The following TXNDC11 variants were observed in gnomAD, a reference collection of about 807,000 sequenced individuals.
TXNDC11 encodes thioredoxin domain-containing protein 11.
A neutral mutation model predicts 78.0 loss-of-function variants in TXNDC11; 68 were observed. The ratio of observed to expected loss-of-function variants is 0.87; its 90% CI spans 0.72 to 1.07. The LOEUF (loss-of-function observed/expected upper bound fraction) is 1.07. Ranked by LOEUF, TXNDC11 falls within the 50% of genes least tolerant of loss-of-function variation. The pLI is 0.00. For missense variants in TXNDC11, 1,389 were observed against 1,221.8 expected (o/e 1.14, Z -2.04); for synonymous variants, 571 against 495.2 (o/e 1.15, Z -2.03).
chr16:11,709,622 A>G (rs1376975200), intron 5 of TXNDC11, among the ~76,000 whole-genome samples: 1 of 151,180 alleles, frequency 6.6e-6, no homozygotes, highest in African/African-American at 2.4e-5. Flanking sequence ...TTTTTAGTAG[A>G]GACGGGGTTT....
In TXNDC11 at chr16:11,691,135, T is replaced by C. The variant is rs1021580909; in HGVS notation, c.1900+155A>G. 2.8e-5 allele frequency: 18 copies of C among 641,004 alleles called. No individual in the cohort carries two copies. In the African/African-American group the frequency reaches 3.1e-4, roughly 11 times the overall value. The allele number at this position is 641,004 out of a possible 1,614,324, so 39.7% of individuals were successfully genotyped here. A position where few individuals can be genotyped will look rare whatever the true frequency, so the allele number is the denominator to read the frequency against. On this transcript the variant is annotated intron_variant, in intron 8 of 11. Transcript: ENST00000283033. ...ATTTAATAGACAAAATTAGCTTCTT[T>C]GAAAATTATGACTGATGGTGGTCTA...
chr16:11,728,623 C>T (rs1274257876), intron 4 of TXNDC11, among the ~76,000 whole-genome samples: 1 of 152,144 alleles, frequency 6.6e-6, no homozygotes, highest in Admixed American at 6.5e-5. Context: ...AACATGAACT[C>T]CACACCAATA....
intron 7 of TXNDC11, among the ~76,000 whole-genome samples, chr16:11,696,952 CG>C (rs1230930583): frequency 6.6e-6 from 1 of 152,112 alleles, no homozygotes; most frequent in African/African-American, 2.4e-5. Flanking sequence ...CCACCTTGAC[CG>C]AAAACCTTCC....
intron 4 of TXNDC11, among the ~76,000 whole-genome samples, chr16:11,723,189 T>TC (rs1481133385): frequency 1.4e-5 from 2 of 147,806 alleles, no homozygotes; most frequent in Non-Finnish European, 3.0e-5. Context: ...ACCCAGGGGG[T>TC]GGAGGCTGCA....
chr16:11,700,363 T>C (rs1351943126), intron 6 of TXNDC11, 89 bp downstream of exon 6: 12 of 608,700 alleles, frequency 2.0e-5, no homozygotes, highest in Non-Finnish European at 3.2e-5. Flanking sequence ...AGAGTGTCCA[T>C]AGATTTTAAC....
At chr16:11,688,758 C>CATTGTTGATG (rs2050633666) in intron 8 of TXNDC11, among the ~76,000 whole-genome samples, 1 of 152,180 alleles carries the variant, frequency 6.6e-6, no homozygotes, top group Non-Finnish European at 1.5e-5. Flanking sequence ...TATAAATCAT[C>CATTGTTGATG]AACAAGCCAC....
At chr16:11,727,335 A>C (rs1331203124) in intron 4 of TXNDC11, among the ~76,000 whole-genome samples, 1 of 152,150 alleles carries the variant, frequency 6.6e-6, no homozygotes, top group Non-Finnish European at 1.5e-5. Context: ...AGCAAAAAAA[A>C]ACCAATCCTT....
rs952114636 is a variant in TXNDC11, at chr16:11,679,170, T to C, written c.*25A>G. The C allele has an allele frequency of 9.3e-6, 15 of 1,605,684 alleles. No homozygotes were observed. Among genetic ancestry groups the C allele is most frequent in the Non-Finnish European group, 1.2e-5 (14 of 1,177,628 alleles). On this transcript the variant is annotated 3_prime_UTR_variant, in exon 12 of 12. Transcript: ENST00000283033. This position sits in a 1 kb window ranked among gnomAD's most constrained non-coding sequence, Gnocchi z 4.6. ...ATTCCCAATGTACAATTTTCACCTC[T>C]GATTTCTTCATATCATTTAAAAAGT...
In TXNDC11 at chr16:11,721,410, G is replaced by C. The variant is rs1369184986; in HGVS notation, c.793+167C>G. 3.7e-5 allele frequency: 15 copies of C among 405,132 alleles called. No homozygotes were observed. The East Asian group carries it at 9.3e-4, about 25-fold the overall frequency. 25.1% of individuals were successfully genotyped at this position (405,132 alleles called of 1,614,324 possible). On this transcript the variant is annotated intron_variant, in intron 5 of 11. Coordinates refer to ENST00000283033, the MANE Select transcript of TXNDC11 (RefSeq NM_015914.7). The stretch of plus-strand genomic sequence containing the variant: ...GCCAAGATCACGCCACTGCACTCCA[G>C]CCTGGGCGGCAGGGCGAGACTCCAT...
intron 5 of TXNDC11, chr16:11,703,599 A>G (rs2051096621): frequency 1.5e-6 from 1 of 685,276 alleles, no homozygotes; most frequent in Non-Finnish European, 2.7e-6. Flanking sequence ...ATGTGTGGGT[A>G]TAATACACTT....
chr16:11,731,214 A>G (rs2052035054), intron 3 of TXNDC11, among the ~76,000 whole-genome samples: 1 of 152,246 alleles, frequency 6.6e-6, no homozygotes, highest in Non-Finnish European at 1.5e-5. Flanking sequence ...GGTAAGGGAC[A>G]GGTTGAACAG....
At chr16:11,695,602 T>C (rs1355750118) in intron 7 of TXNDC11, among the ~76,000 whole-genome samples, 4 of 152,196 alleles carry the variant, frequency 2.6e-5, no homozygotes, top group Admixed American at 1.3e-4. Context: ...TCCCCGATCA[T>C]AGACCCTACT....
At chr16:11,703,226 G>A (rs2051083074) in intron 5 of TXNDC11, among the ~76,000 whole-genome samples, 1 of 152,090 alleles carries the variant, frequency 6.6e-6, no homozygotes, top group African/African-American at 2.4e-5. Context: ...CTAAGTAACT[G>A]GAAAACAGTA....
In TXNDC11 at chr16:11,698,146, T is replaced by G; in HGVS notation, c.1086A>C (p.Glu362Asp). ...TTACCTCGTCTATTAAAGGATGACT[T>G]TCGGCCAGGGGATTAAAAGGTATGA... ...FLFIPFNPLA[E>D]SHPLIDEITE... The change falls in exon 7 of 12, where the codon GAA becomes GAC. Residue 362 changes from glutamate (E) to aspartate (D), a missense_variant. By Grantham distance (45) the Glu-to-Asp change is conservative. Coordinates refer to ENST00000283033, the MANE Select transcript of TXNDC11 (RefSeq NM_015914.7). 6.2e-7 allele frequency: 1 copy of G among 1,614,258 alleles called. No homozygotes were observed. The highest frequency in any genetic ancestry group is 8.5e-7 in the Non-Finnish European group (1 of 1,180,042).
At chr16:11,737,606 G>C (rs1026046555) in intron 1 of TXNDC11, among the ~76,000 whole-genome samples, 3 of 152,052 alleles carry the variant, frequency 2.0e-5, no homozygotes, top group Non-Finnish European at 4.4e-5. Context: ...GCTCATGCCT[G>C]TAATTCCAGC....
chr16:11,687,104 T>G (rs2050587102), intron 10 of TXNDC11, among the ~76,000 whole-genome samples: 2 of 152,240 alleles, frequency 1.3e-5, no homozygotes, highest in Non-Finnish European at 2.9e-5. Context: ...CCTTTTTGTC[T>G]GCTTTCCCTG....
In TXNDC11 at chr16:11,686,812, G is replaced by T. The variant is rs189875419; in HGVS notation, c.2153+1045C>A. Among the ~76,000 whole-genome samples, 82 of 152,304 alleles carry T rather than the reference G, an allele frequency of 5.4e-4. 1 individual carries two copies. The highest frequency in any genetic ancestry group is 1.9e-3 in the African/African-American group (81 of 41,554). ...TCTAAACCATTTTAATTTCCGGGGAGGCTGGAGTATGAATGCCTGATTTAA... is the reference window on the plus strand; with the variant it reads ...TCTAAACCATTTTAATTTCCGGGGATGCTGGAGTATGAATGCCTGATTTAA... On this transcript the variant is annotated intron_variant, in intron 10 of 11. Coordinates refer to ENST00000283033, the MANE Select transcript of TXNDC11 (RefSeq NM_015914.7).
intron 5 of TXNDC11, among the ~76,000 whole-genome samples, chr16:11,705,637 C>T (rs771099631): frequency 1.3e-5 from 2 of 152,206 alleles, no homozygotes; most frequent in Non-Finnish European, 2.9e-5. Context: ...TGTTTAACTG[C>T]CTTAATAAGA....
chr16:11,740,697 G>C (rs2052365318), intron 1 of TXNDC11, among the ~76,000 whole-genome samples: 1 of 152,204 alleles, frequency 6.6e-6, no homozygotes, highest in African/African-American at 2.4e-5. Flanking sequence ...AGGAGGTCCT[G>C]ACAATAAAGG....
Sources: gnomAD v4.1 joint callset for allele counts (sites outside exome capture counted in the v4.1 genomes callset) on GRCh38, gnomAD v4.1.1 for gene constraint, Gnocchi (gnomAD v3.1) non-coding constraint, MANE v1.5 for transcripts, NCBI Gene and HGNC (gene_info 2026-07-23, HGNC 2026-07-21) for gene names.